Variants in XPNPEP3 observed in about 807,000 individuals in gnomAD.
The protein encoded by XPNPEP3 is xaa-Pro aminopeptidase 3.
A neutral mutation model predicts 60.0 loss-of-function variants in XPNPEP3; 41 were observed. The ratio of observed to expected loss-of-function variants is 0.68; its 90% CI spans 0.53 to 0.89. The LOEUF (loss-of-function observed/expected upper bound fraction) is 0.89, where lower values mean the gene tolerates loss of function less well. Ranked by LOEUF, XPNPEP3 falls within the 40% of genes least tolerant of loss-of-function variation. The pLI is 0.00. For synonymous variants in XPNPEP3, 212 were observed against 223.2 expected, an observed-to-expected ratio of 0.95 and a Z score of 0.45; for missense variants, 598 against 638.9, an observed-to-expected ratio of 0.94 and a Z score of 0.69.
At chr22:40,908,928 T>G (rs982580484) in intron 5 of XPNPEP3, among the ~76,000 whole-genome samples, 194 bp from the exon 6 acceptor site, 5 of 152,178 alleles carry the variant, frequency 3.3e-5, no homozygotes, top group African/African-American at 1.2e-4. Flanking sequence ...CTTACATAGA[T>G]TATAGTACAC....
At chr22:40,868,528 C>T (rs1267460212) in intron 1 of XPNPEP3, among the ~76,000 whole-genome samples, 1 of 152,046 alleles carries the variant, frequency 6.6e-6, no homozygotes, top group Non-Finnish European at 1.5e-5. Flanking sequence ...TAAGGCCCAA[C>T]ACAGAGTCTG....
Position 40,914,417 on chromosome 22 carries a change from A to G in XPNPEP3, c.1055+93A>G, listed in dbSNP as rs1366654702. 4.6e-6 allele frequency: 5 copies of G among 1,089,888 alleles called. No homozygotes were observed. The African/African-American group carries it at 6.2e-5, about 14-fold the overall frequency. 67.5% of individuals were successfully genotyped at this position (1,089,888 alleles called of 1,614,324 possible). ...TGGAATGAATGACTAAAGAAATACT[A>G]TAGGTCCATTCCTGGTCAAGTTAGG... On this transcript the variant is annotated intron_variant, in intron 7 of 9. Coordinates refer to ENST00000357137, the MANE Select transcript of XPNPEP3 (RefSeq NM_022098.4).
intron 6 of XPNPEP3, among the ~76,000 whole-genome samples, chr22:40,911,157 A>G (rs2058175699): frequency 6.6e-6 from 1 of 152,036 alleles, no homozygotes; most frequent in Non-Finnish European, 1.5e-5. Flanking sequence ...TCTGCATTCT[A>G]CTTGGTACAA....
Position 40,898,225 on chromosome 22 carries a change from A to ATTTT in XPNPEP3, c.793-9326_793-9323dup, listed in dbSNP as rs71200626. ...TGTTTTATGTTTAGGTCTTTGACCCATTTTTTTTTTTTTTTTTTTTTTTTT... is the reference window on the plus strand; with the variant it reads ...TGTTTTATGTTTAGGTCTTTGACCCATTTTTTTTTTTTTTTTTTTTTTTTTTTTT... On this transcript the variant is annotated intron_variant, in intron 4 of 9. Transcript: ENST00000357137. 4.2e-4 allele frequency among the ~76,000 whole-genome samples: 12 copies of ATTTT among 28,782 alleles called. 6 individuals carry two copies. The highest frequency in any genetic ancestry group is 2.2e-3 in the East Asian group (2 of 918). The allele number at this position is 28,782 out of a possible 152,430, so 18.9% of individuals were successfully genotyped here. A position where few individuals can be genotyped will look rare whatever the true frequency, so the allele number is the denominator to read the frequency against.
Position 40,914,211 on chromosome 22 carries a change from C to T in XPNPEP3, c.970-28C>T, listed in dbSNP as rs1385578489. ...AACAACTTATAATCATGAGCTTATC[C>T]ACTTTAACCTGTCTTACTTTGTTCC... On this transcript the variant is annotated intron_variant, in intron 6 of 9. Coordinates refer to ENST00000357137, the MANE Select transcript of XPNPEP3 (RefSeq NM_022098.4). 5.7e-6 allele frequency: 9 copies of T among 1,581,898 alleles called. No homozygotes were observed. In the East Asian group the frequency reaches 1.8e-4, roughly 31 times the overall value.
chr22:40,926,983 T>G lies in XPNPEP3; in HGVS notation c.*548T>G, dbSNP rs2146283818. On this transcript the variant is annotated 3_prime_UTR_variant, in exon 10 of 10. Transcript: ENST00000357137. ...ATCCTGCATATCTACTGGAGCCATA[T>G]GAGCCCTCAGGGGCACTGGTGTCCT... is the stretch of plus-strand genomic sequence containing the variant. The G allele has an allele frequency of 5.8e-6, 1 of 173,880 alleles. No homozygotes were observed. 10.8% of individuals were successfully genotyped at this position (173,880 alleles called of 1,614,324 possible). A position where few individuals can be genotyped will look rare whatever the true frequency, so the allele number is the denominator to read the frequency against.
At chr22:40,869,785 A>T (rs1193651750) in intron 2 of XPNPEP3, among the ~76,000 whole-genome samples, 1 of 152,316 alleles carries the variant, frequency 6.6e-6, no homozygotes, top group Admixed American at 6.5e-5. Flanking sequence ...TCTTGCACTT[A>T]AGGGGTGAAC....
chr22:40,932,639 T>C lies in XPNPEP3; in HGVS notation c.*6204T>C, dbSNP rs1318506055. On this transcript the variant is annotated 3_prime_UTR_variant, in exon 10 of 10. Coordinates refer to ENST00000357137, the MANE Select transcript of XPNPEP3 (RefSeq NM_022098.4). ...GCAAGAATCTGAGAAAACTTCAATC[T>C]TTACCAGCATTTCTTAATGCTTTCC... is the stretch of plus-strand genomic sequence containing the variant. The C allele has an allele frequency of 6.6e-6, 1 of 152,200 alleles. No individual in the cohort carries two copies. Among genetic ancestry groups the C allele is most frequent in the Non-Finnish European group, 1.5e-5 (1 of 68,046 alleles). The allele number at this position is 152,200 out of a possible 1,614,324, so 9.4% of individuals were successfully genotyped here.
At chr22:40,906,404 G>A (rs189655627) in intron 4 of XPNPEP3, among the ~76,000 whole-genome samples, 11 of 149,996 alleles carry the variant, frequency 7.3e-5, no homozygotes, top group Middle Eastern at 3.5e-3. Flanking sequence ...CTGTGGGATG[G>A]AGTGAGACTC....
At chr22:40,869,143 C>T (rs2057993440) in intron 2 of XPNPEP3, 28 bp downstream of exon 2, 1 of 1,569,080 alleles carries the variant, frequency 6.4e-7, no homozygotes, top group South Asian at 1.1e-5. Context: ...TGCTATCTCC[C>T]CATTTAGGTT....
chr22:40,909,519 C>T (rs777458718), intron 6 of XPNPEP3, among the ~76,000 whole-genome samples: 1 of 152,114 alleles, frequency 6.6e-6, no homozygotes, highest in Non-Finnish European at 1.5e-5. Flanking sequence ...AATCCTAGCA[C>T]TTTGAGAGGC....
intron 4 of XPNPEP3, among the ~76,000 whole-genome samples, chr22:40,903,874 T>TCACACA (rs10560459): frequency 0.021 from 3,080 of 145,980 alleles, 89 homozygotes; most frequent in African/African-American, 0.073. Flanking sequence ...TCTCTCTCTG[T>TCACACA]CACACACACA....
At chr22:40,868,372 G>C (rs1215554494) in intron 1 of XPNPEP3, among the ~76,000 whole-genome samples, 1 of 151,122 alleles carries the variant, frequency 6.6e-6, no homozygotes, top group Non-Finnish European at 1.5e-5. Context: ...TGCCTTTTTT[G>C]GTTCCTTTCT....
intron 7 of XPNPEP3, among the ~76,000 whole-genome samples, chr22:40,918,326 A>T (rs2058203986): frequency 6.6e-6 from 1 of 152,118 alleles, no homozygotes; most frequent in Non-Finnish European, 1.5e-5. Flanking sequence ...GTGAACTATG[A>T]TCACATCACT....
intron 6 of XPNPEP3, among the ~76,000 whole-genome samples, chr22:40,912,705 A>G (rs1287149134): frequency 6.6e-6 from 1 of 152,010 alleles, no homozygotes; most frequent in Non-Finnish European, 1.5e-5. Context: ...CCCCATCTCT[A>G]CTAAAAATAC....
At chr22:40,885,885 G>A (rs1245747572) in intron 3 of XPNPEP3, among the ~76,000 whole-genome samples, 2 of 152,180 alleles carry the variant, frequency 1.3e-5, no homozygotes, top group African/African-American at 4.8e-5. Flanking sequence ...GGGAGGCTGA[G>A]GCAGAAGAAT....
chr22:40,872,763 T>C (rs1454300266), intron 2 of XPNPEP3, among the ~76,000 whole-genome samples: 1 of 152,084 alleles, frequency 6.6e-6, no homozygotes, highest in African/African-American at 2.4e-5. Flanking sequence ...ATTTACAGAT[T>C]GTACAGATTA....
At chr22:40,896,794 A>G (rs1371878059) in intron 4 of XPNPEP3, among the ~76,000 whole-genome samples, 3 of 152,144 alleles carry the variant, frequency 2.0e-5, no homozygotes, top group African/African-American at 7.2e-5. Flanking sequence ...TACTCAATAA[A>G]TAATAACTTC....
chr22:40,915,829 C>T (rs1243632020), intron 7 of XPNPEP3, among the ~76,000 whole-genome samples: 3 of 152,174 alleles, frequency 2.0e-5, no homozygotes, highest in Non-Finnish European at 4.4e-5. Flanking sequence ...GAGGAGGCCT[C>T]ATGAGGCTCA....
Sources: allele counts gnomAD v4.1 joint callset (sites outside exome capture counted in the v4.1 genomes callset), GRCh38; gene constraint gnomAD v4.1.1; transcripts MANE v1.5; gene names NCBI Gene and HGNC (gene_info 2026-07-23, HGNC 2026-07-21).